The following FSTL5 variants were observed in gnomAD, a reference collection of about 807,000 sequenced individuals.
The protein encoded by FSTL5 is follistatin like 5.
FSTL5 carries 62 observed loss-of-function variants against 89.1 expected under a neutral mutation model. The observed-to-expected ratio is 0.70, with a 90% CI of 0.57 to 0.86. The LOEUF is 0.86. Ranked by LOEUF, FSTL5 falls within the 40% of genes least tolerant of loss-of-function variation. The pLI is 0.00. For synonymous variants in FSTL5, 383 were observed against 346.2 expected (o/e 1.11, Z -1.18); for missense variants, 1,057 against 1,001.6 (o/e 1.06, Z -0.75).
At chr4:161,588,044 C>T (rs2126607684) in intron 7 of FSTL5, among the ~76,000 whole-genome samples, 1 of 152,116 alleles carries the variant, frequency 6.6e-6, no homozygotes, top group Middle Eastern at 3.4e-3. Flanking sequence ...TGTGGTGGCA[C>T]ACACCTGTAG....
At position 162,064,216 on chromosome 4, in the gene FSTL5, GA is replaced by G. The variant is rs1203469289; in HGVS notation, c.127-30559del. On this transcript the variant is annotated intron_variant, in intron 2 of 15. Transcript: ENST00000306100. Reference sequence around the variant, plus strand: ...TATTAGAATAGTGTTAATATTTACGGATAAGAATTTTTACCAAAAATAACCT... The same window carrying G: ...TATTAGAATAGTGTTAATATTTACGGTAAGAATTTTTACCAAAAATAACCT... Among the ~76,000 whole-genome samples, 7 of 151,938 alleles carry G rather than the reference GA, an allele frequency of 4.6e-5. No individual in the cohort carries two copies. The East Asian group carries it at 1.4e-3, about 29-fold the overall frequency.
At chr4:161,667,329 T>C (rs114043525) in intron 6 of FSTL5, among the ~76,000 whole-genome samples, 3,419 of 152,216 alleles carry the variant, frequency 0.022, 63 homozygotes, top group South Asian at 0.044. Flanking sequence ...CAGAATAGTT[T>C]CCATGTGAAG....
In FSTL5 at chr4:161,720,230, A is replaced by AT. The variant is rs764519779; in HGVS notation, c.727+39180_727+39181insA. Among the ~76,000 whole-genome samples, 604 of 152,194 alleles carry AT rather than the reference A, an allele frequency of 4.0e-3. 1 individual carries two copies. The highest frequency in any genetic ancestry group is 7.1e-3 in the Non-Finnish European group (484 of 67,982). On this transcript the variant is annotated intron_variant, in intron 6 of 15. Coordinates refer to ENST00000306100, the MANE Select transcript of FSTL5 (RefSeq NM_020116.5). ...AAAAAAAAAAAAAAAATCCAATTAA[A>AT]AGACATACAAATAGCGTACAGATAC... is the stretch of plus-strand genomic sequence containing the variant.
At position 161,481,166 on chromosome 4, in the gene FSTL5, C is replaced by T. The variant is rs1223710759; in HGVS notation, c.1462G>A (p.Glu488Lys). ...TCTCCCTCAGCTTTGGGACAGACTT[C>T]ATCCTGTAATTTAGGAAAGAGAAAA... ...PSEKLLGFQD[E>K]VCPKAEGDEV... The change falls in exon 13 of 16, where the codon GAA (glutamate) becomes AAA (lysine). Residue 488 changes from glutamate to lysine, a missense_variant. Coordinates refer to ENST00000306100, the MANE Select transcript of FSTL5 (RefSeq NM_020116.5). 1.3e-6 allele frequency: 2 copies of T among 1,596,650 alleles called. No individual in the cohort carries two copies. Among genetic ancestry groups the T allele is most frequent in the Non-Finnish European group, 1.7e-6 (2 of 1,172,292 alleles).
In FSTL5 at chr4:161,596,972, C is replaced by T. The variant is rs575963516; in HGVS notation, c.895-9397G>A. ...TAGATTGCAAAAATTTTCTCCCATT[C>T]TGTAGGTTGCCTGTTCACTCTGATG... On this transcript the variant is annotated intron_variant, in intron 7 of 15. Transcript: ENST00000306100. Among the ~76,000 whole-genome samples, 76 of 152,108 alleles carry T rather than the reference C, an allele frequency of 5.0e-4. 1 individual carries two copies. The highest frequency in any genetic ancestry group is 2.2e-3 in the Admixed American group (34 of 15,250).
At chr4:162,057,092 G>A (rs1263516523) in intron 2 of FSTL5, among the ~76,000 whole-genome samples, 1 of 152,194 alleles carries the variant, frequency 6.6e-6, no homozygotes, top group East Asian at 1.9e-4. Context: ...AGGTCCTGAA[G>A]GGACGGCACA....
At chr4:161,468,141 A>T (rs1216983287) in intron 13 of FSTL5, among the ~76,000 whole-genome samples, 2 of 152,068 alleles carry the variant, frequency 1.3e-5, no homozygotes, top group African/African-American at 4.8e-5. Context: ...TTTATAATTG[A>T]CAGGTACTAA....
intron 2 of FSTL5, among the ~76,000 whole-genome samples, chr4:162,107,932 C>T (rs1272808322): frequency 2.6e-5 from 4 of 151,932 alleles, no homozygotes; most frequent in African/African-American, 7.3e-5. Context: ...TCCCTACATC[C>T]CAGGATTATT....
At chr4:161,672,273 T>C (rs2126699262) in intron 6 of FSTL5, among the ~76,000 whole-genome samples, 1 of 152,254 alleles carries the variant, frequency 6.6e-6, no homozygotes, top group East Asian at 1.9e-4. Flanking sequence ...TTTGCAATTA[T>C]AAATACTTTC....
At chr4:161,743,428 T>C (rs192638708) in intron 6 of FSTL5, among the ~76,000 whole-genome samples, 1 of 152,274 alleles carries the variant, frequency 6.6e-6, no homozygotes, top group Non-Finnish European at 1.5e-5. Flanking sequence ...GCCAGTACCA[T>C]ACTGTTTTGA....
chr4:161,499,994 A>C (rs760444759), intron 12 of FSTL5, 22 bp downstream of exon 12: 19 of 1,426,836 alleles, frequency 1.3e-5, no homozygotes, highest in East Asian at 9.1e-5. Flanking sequence ...TAAAACGTCA[A>C]AGGAACTTTT....
intron 4 of FSTL5, among the ~76,000 whole-genome samples, chr4:161,878,006 C>T (rs548893904): frequency 7.9e-4 from 114 of 143,874 alleles, no homozygotes; most frequent in Non-Finnish European, 1.4e-3. Flanking sequence ...CTTTTTTTTA[C>T]TTATATAGAT....
intron 1 of FSTL5, among the ~76,000 whole-genome samples, chr4:162,156,417 A>G (rs1733474516): frequency 6.6e-6 from 1 of 152,174 alleles, no homozygotes; most frequent in South Asian, 2.1e-4. Flanking sequence ...AAAATTAATC[A>G]TTCTACAAAA....
chr4:161,631,545 G>C (rs767316085), intron 7 of FSTL5, among the ~76,000 whole-genome samples: 1 of 152,048 alleles, frequency 6.6e-6, no homozygotes, highest in Admixed American at 6.5e-5. Context: ...TGAACCCAGG[G>C]GGCAGAGGTT....
chr4:161,589,761 A>C lies in FSTL5; in HGVS notation c.895-2186T>G, dbSNP rs1022408822. 4.5e-4 allele frequency among the ~76,000 whole-genome samples: 68 copies of C among 152,258 alleles called. 1 individual carries two copies. Among genetic ancestry groups the C allele is most frequent in the African/African-American group, 1.6e-3 (68 of 41,558 alleles). The stretch of plus-strand genomic sequence containing the variant: ...CTGAGGAATGGGCTCTCCGTAGAGA[A>C]GTTTGAAGAGTTCCATATATTCCTA... On this transcript the variant is annotated intron_variant, in intron 7 of 15. Transcript: ENST00000306100.
chr4:161,387,998 TCTCC>T (rs1015546451), intron 15 of FSTL5: 1 of 151,944 alleles, frequency 6.6e-6, no homozygotes, highest in African/African-American at 2.4e-5. Flanking sequence ...TCAACATAAC[TCTCC>T]CTGTCTCCAA....
intron 2 of FSTL5, among the ~76,000 whole-genome samples, chr4:162,066,349 TCTTCTC>T (rs1379277337): frequency 0.026 from 3,306 of 128,382 alleles, 70 homozygotes; most frequent in East Asian, 0.098. Context: ...TTCTTCTTCT[TCTTCTC>T]CTTCTTCTTC....
chr4:162,103,389 A>T (rs1160108897), intron 2 of FSTL5, among the ~76,000 whole-genome samples: 1 of 152,240 alleles, frequency 6.6e-6, no homozygotes, highest in Non-Finnish European at 1.5e-5. Flanking sequence ...CACAGCATTT[A>T]GCTTTGGCCT....
intron 3 of FSTL5, among the ~76,000 whole-genome samples, chr4:161,932,279 T>C (rs902381545): frequency 9.9e-5 from 15 of 151,946 alleles, no homozygotes; most frequent in African/African-American, 3.4e-4. Flanking sequence ...CTCTAATATA[T>C]AAAAATAAGA....
Sources: gnomAD v4.1 joint callset for allele counts (sites outside exome capture counted in the v4.1 genomes callset) on GRCh38, gnomAD v4.1.1 for gene constraint, MANE v1.5 for transcripts, NCBI Gene and HGNC (gene_info 2026-07-23, HGNC 2026-07-21) for gene names.